The following GTF2E1 variants were observed in gnomAD, a reference collection of about 807,000 sequenced individuals.
GTF2E1 encodes TFIIE alpha subunit.
GTF2E1 carries 14 observed loss-of-function variants against 34.9 expected under a neutral mutation model. The observed-to-expected ratio is 0.40, with a 90% CI of 0.27 to 0.63. The LOEUF is 0.63. GTF2E1 is among the 20% of genes least tolerant of loss of function. The probability of loss-of-function intolerance (pLI) is 0.39; values close to 1 mark genes in which losing one functional copy is unlikely to be tolerated. For synonymous variants in GTF2E1, 188 were observed against 192.9 expected, an observed-to-expected ratio of 0.97 and a Z score of 0.21; for missense variants, 469 against 557.7, an observed-to-expected ratio of 0.84 and a Z score of 1.60.
At chr3:120,780,613 G>GAGTGAGCTAA (rs146605739) in intron 4 of GTF2E1, among the ~76,000 whole-genome samples, 2,467 of 152,262 alleles carry the variant, frequency 0.016, 57 homozygotes, top group African/African-American at 0.057. Context: ...CTTTTACCTT[G>GAGTGAGCTAA]AGTGAGATAA....
At chr3:120,749,731 GTC>G (rs1709145976) in intron 1 of GTF2E1, 1 of 152,104 alleles carries the variant, frequency 6.6e-6, no homozygotes, top group Non-Finnish European at 1.5e-5. Context: ...TTTTGGTTGT[GTC>G]TCTGCCCGAA....
chr3:120,747,468 A>G (rs140043773), intron 1 of GTF2E1, among the ~76,000 whole-genome samples: 93 of 152,144 alleles, frequency 6.1e-4, no homozygotes, highest in African/African-American at 1.8e-3. Flanking sequence ...TCATTGTTCA[A>G]TTCCCACCTA....
intron 1 of GTF2E1, among the ~76,000 whole-genome samples, chr3:120,744,115 CT>C (rs1357766565): frequency 6.6e-6 from 1 of 152,198 alleles, no homozygotes; most frequent in Non-Finnish European, 1.5e-5. Context: ...CATGGGCTCA[CT>C]TTTTCCTCAG....
Position 120,776,419 on chromosome 3 carries a change from A to G in GTF2E1, c.651-4A>G. On this transcript the variant is annotated splice_region_variant and splice_polypyrimidine_tract_variant and intron_variant, in intron 3 of 4. Transcript: ENST00000283875. Reference sequence around the variant, plus strand: ...TCCTGTACTCCTCTATTCTTTTTATATAGCAAGGACCATGCAGCAACTACT... The same window carrying G: ...TCCTGTACTCCTCTATTCTTTTTATGTAGCAAGGACCATGCAGCAACTACT... The G allele has an allele frequency of 1.9e-6, 3 of 1,608,520 alleles. No individual in the cohort carries two copies. The highest frequency in any genetic ancestry group is 2.5e-6 in the Non-Finnish European group (3 of 1,178,366).
At chr3:120,760,790 G>A (rs1003226810) in intron 2 of GTF2E1, among the ~76,000 whole-genome samples, 1 of 152,132 alleles carries the variant, frequency 6.6e-6, no homozygotes, top group African/African-American at 2.4e-5. Flanking sequence ...TGATCTTGGT[G>A]GATAAGCTTT....
At chr3:120,746,611 C>G (rs953919539) in intron 1 of GTF2E1, among the ~76,000 whole-genome samples, 2 of 151,854 alleles carry the variant, frequency 1.3e-5, no homozygotes, top group African/African-American at 4.8e-5. Context: ...CCAGCCTGGG[C>G]AAAATGGTGA....
chr3:120,752,542 T>A (rs1273284758), intron 2 of GTF2E1, among the ~76,000 whole-genome samples: 3 of 152,188 alleles, frequency 2.0e-5, no homozygotes, highest in Non-Finnish European at 2.9e-5. Context: ...AATTAAACTT[T>A]CTAAAAGGAG....
In GTF2E1 at chr3:120,782,358, C is replaced by G. The variant is rs1288835715; in HGVS notation, c.*888C>G. On this transcript the variant is annotated 3_prime_UTR_variant, in exon 5 of 5. Coordinates refer to ENST00000283875, the MANE Select transcript of GTF2E1 (RefSeq NM_005513.3). ...TTAATGTCTAAACCAGAATTTGTGTCTTTAGAACTGACCAGACTGGTAGAT... is the reference window on the plus strand; with the variant it reads ...TTAATGTCTAAACCAGAATTTGTGTGTTTAGAACTGACCAGACTGGTAGAT... 5 of 152,164 alleles carry G rather than the reference C, an allele frequency of 3.3e-5. No homozygotes were observed. Among genetic ancestry groups the G allele is most frequent in the Non-Finnish European group, 5.9e-5 (4 of 68,048 alleles). 9.4% of individuals were successfully genotyped at this position (152,164 alleles called of 1,614,324 possible). A position where few individuals can be genotyped will look rare whatever the true frequency, so the allele number is the denominator to read the frequency against.
intron 2 of GTF2E1, among the ~76,000 whole-genome samples, chr3:120,752,103 A>G (rs889603348): frequency 3.9e-5 from 6 of 152,052 alleles, no homozygotes; most frequent in Admixed American, 3.9e-4. Context: ...TTTTTTTCTT[A>G]TTTACTGTGA....
chr3:120,777,523 T>C (rs927034836), intron 4 of GTF2E1, among the ~76,000 whole-genome samples: 2 of 152,218 alleles, frequency 1.3e-5, no homozygotes, highest in Non-Finnish European at 2.9e-5. Flanking sequence ...ACTTGTTTTT[T>C]GGCGTTTCTC....
Position 120,745,788 on chromosome 3 carries a change from C to T in GTF2E1, c.-31+2994C>T, listed in dbSNP as rs116830337. On this transcript the variant is annotated intron_variant, in intron 1 of 4. Coordinates refer to ENST00000283875, the MANE Select transcript of GTF2E1 (RefSeq NM_005513.3). ...GATGTAAAACAACAAAAAATGAAAA[C>T]GGGGTTCAAGTACAATGTATAGACC... Among the ~76,000 whole-genome samples the T allele has an allele frequency of 2.9e-3, 441 of 152,192 alleles. 3 individuals carry two copies. Among genetic ancestry groups the T allele is most frequent in the African/African-American group, 0.01 (417 of 41,524 alleles).
intron 1 of GTF2E1, among the ~76,000 whole-genome samples, chr3:120,747,610 G>T (rs1247049851): frequency 1.3e-5 from 2 of 152,162 alleles, no homozygotes; most frequent in Non-Finnish European, 2.9e-5. Context: ...AGTATTCCAT[G>T]GTGTATATGT....
intron 2 of GTF2E1, among the ~76,000 whole-genome samples, chr3:120,759,224 G>A (rs111921505): frequency 0.017 from 2,583 of 152,226 alleles, 82 homozygotes; most frequent in African/African-American, 0.06. Flanking sequence ...TATGTTGGCT[G>A]CATAAATGTC....
Position 120,776,474 on chromosome 3 carries a change from C to G in GTF2E1, c.702C>G (p.His234Gln), listed in dbSNP as rs1709401194. Residue 234 changes from histidine (H) to glutamine (Q), a missense_variant, in exon 4 of 5, where the codon CAC becomes CAG. By Grantham distance (24) the His-to-Gln change is conservative. Coordinates refer to ENST00000283875, the MANE Select transcript of GTF2E1 (RefSeq NM_005513.3). ...TAGAASLAGG[H>Q]HREAWATKGP... ...GAGCTGCTAGCCTAGCAGGTGGGCA[C>G]CACCGGGAAGCATGGGCCACCAAAG... 2.5e-6 allele frequency: 4 copies of G among 1,613,752 alleles called. No homozygotes were observed. The highest frequency in any genetic ancestry group is 1.7e-4 in the Middle Eastern group (1 of 6,060).
In GTF2E1 at chr3:120,781,329, C is replaced by A; in HGVS notation, c.1179C>A (p.Asp393Glu). The change falls in exon 5 of 5, where the codon GAC (aspartate) becomes GAA (glutamate). Residue 393 changes from aspartate to glutamate, a missense_variant. Asp to Glu is a conservative substitution (Grantham distance 45). Transcript: ENST00000283875. The stretch of plus-strand genomic sequence containing the variant: ...ACGAGTTTGAAGAAGTAGCAGATGA[C>A]CCCATTGTCATGGTGGCTGGCCGTC... Reference protein sequence around the residue: ...EDDEFEEVADDPIVMVAGRPF... With the variant: ...EDDEFEEVADEPIVMVAGRPF... 1.2e-6 allele frequency: 2 copies of A among 1,614,088 alleles called. No individual in the cohort carries two copies. The highest frequency in any genetic ancestry group is 1.7e-6 in the Non-Finnish European group (2 of 1,179,984).
At chr3:120,760,274 A>G (rs1023381206) in intron 2 of GTF2E1, among the ~76,000 whole-genome samples, 1 of 152,090 alleles carries the variant, frequency 6.6e-6, no homozygotes, top group Non-Finnish European at 1.5e-5. Context: ...CTGCACATTG[A>G]TTTTGTGTCC....
In GTF2E1 at chr3:120,781,156, A is replaced by G. The variant is rs775575927; in HGVS notation, c.1006A>G (p.Met336Val). 12 of 1,614,036 alleles carry G rather than the reference A, an allele frequency of 7.4e-6. No homozygotes were observed. In the East Asian group the frequency reaches 2.2e-4, roughly 30 times the overall value. Residue 336 changes from methionine to valine, a missense_variant, in exon 5 of 5, where the codon ATG becomes GTG. Coordinates refer to ENST00000283875, the MANE Select transcript of GTF2E1 (RefSeq NM_005513.3). Reference protein sequence around the residue: ...LIHEKKTSSAMAGSVGAAAPV... With the variant: ...LIHEKKTSSAVAGSVGAAAPV... ...TCACGAGAAAAAGACTTCCTCTGCC[A>G]TGGCTGGTTCAGTGGGGGCAGCTGC...
chr3:120,773,955 C>G (rs1709377139), intron 3 of GTF2E1, among the ~76,000 whole-genome samples: 1 of 152,182 alleles, frequency 6.6e-6, no homozygotes, highest in African/African-American at 2.4e-5. Flanking sequence ...TTCTCTCTAG[C>G]TTTCTTGTTT....
At chr3:120,748,946 G>C (rs867236272) in intron 1 of GTF2E1, among the ~76,000 whole-genome samples, 252 of 152,216 alleles carry the variant, frequency 1.7e-3, no homozygotes, top group African/African-American at 5.5e-3. Context: ...GTTTGTAGTT[G>C]TCCTTGAAGA....
Sources: gnomAD v4.1 joint callset for allele counts (sites outside exome capture counted in the v4.1 genomes callset) on GRCh38, gnomAD v4.1.1 for gene constraint, MANE v1.5 for transcripts, NCBI Gene and HGNC (gene_info 2026-07-23, HGNC 2026-07-21) for gene names.